Variants in GRAP2 observed in about 807,000 individuals in gnomAD.
GRAP2 encodes the protein GRB2-related adapter protein 2.
A neutral mutation model predicts 43.5 loss-of-function variants in GRAP2; 31 were observed. The observed-to-expected ratio is 0.71, with a 90% CI of 0.54 to 0.96. The LOEUF (loss-of-function observed/expected upper bound fraction) is 0.96, where lower values mean the gene tolerates loss of function less well. Among genes scored for constraint, GRAP2 ranks in the 40% least tolerant of loss-of-function variants. The pLI is 0.00. For synonymous variants in GRAP2, 156 were observed against 164.8 expected (o/e 0.95, Z 0.41); for missense variants, 371 against 424.4 (o/e 0.87, Z 1.11).
chr22:39,918,975 A>G (rs554012185), intron 1 of GRAP2, among the ~76,000 whole-genome samples: 3 of 152,292 alleles, frequency 2.0e-5, no homozygotes, highest in South Asian at 2.1e-4. Flanking sequence ...ATCAAATCAT[A>G]TGAAATTGAC....
chr22:39,970,838 C>T, intron 7 of GRAP2, 67 bp from the exon 8 acceptor site: 25 of 1,354,568 alleles, frequency 1.8e-5, no homozygotes, highest in Non-Finnish European at 2.5e-5. Flanking sequence ...TGGGAGGAGC[C>T]AGCAGACCCT....
At chr22:39,930,419 T>A (rs1723441391) in intron 1 of GRAP2, among the ~76,000 whole-genome samples, 2 of 152,230 alleles carry the variant, frequency 1.3e-5, no homozygotes, top group African/African-American at 4.8e-5. Context: ...ATCTGTCAGC[T>A]GGATACAATA....
intron 7 of GRAP2, among the ~76,000 whole-genome samples, chr22:39,969,852 T>C (rs2067219834): frequency 6.6e-6 from 1 of 152,114 alleles, no homozygotes. Flanking sequence ...AGGCAGAGGT[T>C]GCAGTGAGCC....
At chr22:39,900,926 T>G (rs2066488633), upstream of GRAP2, among the ~76,000 whole-genome samples, 1 of 152,198 alleles carries the variant, frequency 6.6e-6, no homozygotes, top group African/African-American at 2.4e-5. Flanking sequence ...GGGGATATTG[T>G]TAAAACTGAA....
At chr22:39,937,118 G>C (rs1382912949) in intron 1 of GRAP2, among the ~76,000 whole-genome samples, 1 of 152,176 alleles carries the variant, frequency 6.6e-6, no homozygotes, top group African/African-American at 2.4e-5. Context: ...AAATGCAAAG[G>C]ATGATAGTAA....
At chr22:39,898,286 A>C, upstream of GRAP2, among the ~76,000 whole-genome samples, 1 of 152,184 alleles carries the variant, frequency 6.6e-6, no homozygotes, top group Admixed American at 6.5e-5. Flanking sequence ...CCCTAACAGT[A>C]GGACCATCTG....
chr22:39,957,940 A>C (rs2067075450), intron 3 of GRAP2, among the ~76,000 whole-genome samples: 1 of 148,154 alleles, frequency 6.7e-6, no homozygotes, highest in Admixed American at 7.0e-5. Context: ...TGTTTCAAAG[A>C]AAAAAAAAAT....
chr22:39,909,734 G>C (rs1373902620), intron 1 of GRAP2, among the ~76,000 whole-genome samples: 1 of 152,078 alleles, frequency 6.6e-6, no homozygotes, highest in Non-Finnish European at 1.5e-5. Context: ...AAACTGATGA[G>C]GAGATTAAAA....
chr22:39,956,339 G>A (rs924735395), intron 3 of GRAP2, among the ~76,000 whole-genome samples: 1 of 151,740 alleles, frequency 6.6e-6, no homozygotes, highest in African/African-American at 2.4e-5. Context: ...TGTATTTTTA[G>A]TAGAGACAGG....
chr22:39,936,567 T>C (rs976514968), intron 1 of GRAP2, among the ~76,000 whole-genome samples: 3 of 152,076 alleles, frequency 2.0e-5, no homozygotes, highest in African/African-American at 7.2e-5. Context: ...TCATGGTAAG[T>C]TATTAATGTT....
At chr22:39,924,370 G>A (rs1601700474) in intron 1 of GRAP2, among the ~76,000 whole-genome samples, 2 of 152,238 alleles carry the variant, frequency 1.3e-5, no homozygotes, top group East Asian at 1.9e-4. Context: ...CACCACGGTC[G>A]TACTTTCCAT....
At chr22:39,926,540 G>T (rs1284144101) in intron 1 of GRAP2, 1 of 885,040 alleles carries the variant, frequency 1.1e-6, no homozygotes, top group Non-Finnish European at 1.4e-6. Flanking sequence ...AGAACCTTGA[G>T]CATAAGGAAG....
At chr22:39,933,235 C>T (rs1474085666) in intron 1 of GRAP2, among the ~76,000 whole-genome samples, 1 of 152,254 alleles carries the variant, frequency 6.6e-6, no homozygotes, top group African/African-American at 2.4e-5. Flanking sequence ...TCAGCCCTTA[C>T]TGCAACCTCA....
chr22:39,912,845 T>C (rs1237566861), intron 1 of GRAP2, among the ~76,000 whole-genome samples: 2 of 151,626 alleles, frequency 1.3e-5, no homozygotes, highest in Non-Finnish European at 2.9e-5. Flanking sequence ...AAAGGAGACA[T>C]CTAGGACCAA....
At chr22:39,932,052 C>T (rs2066760628) in intron 1 of GRAP2, among the ~76,000 whole-genome samples, 1 of 152,164 alleles carries the variant, frequency 6.6e-6, no homozygotes, top group African/African-American at 2.4e-5. Flanking sequence ...CTTCATACTG[C>T]TTATCCCAAA....
chr22:39,913,053 C>A (rs961822073), intron 1 of GRAP2, among the ~76,000 whole-genome samples: 26 of 151,930 alleles, frequency 1.7e-4, no homozygotes, highest in African/African-American at 5.8e-4. Flanking sequence ...ATTAGCTAGG[C>A]ATGGTGGCGG....
At chr22:39,920,625 T>G (rs2066641121) in intron 1 of GRAP2, among the ~76,000 whole-genome samples, 1 of 152,198 alleles carries the variant, frequency 6.6e-6, no homozygotes, top group Non-Finnish European at 1.5e-5. Context: ...CTGTGCTGAC[T>G]GTGACCCCAC....
In GRAP2 at chr22:39,973,139, A is replaced by G. The variant is rs1268744037; in HGVS notation, c.*2055A>G. On this transcript the variant is annotated 3_prime_UTR_variant, in exon 8 of 8. Coordinates refer to ENST00000344138, the MANE Select transcript of GRAP2 (RefSeq NM_004810.4). ...TAGGTAATGTGAAATGCTGCAGTAA[A>G]TAAAAGCCATAAGTAATGTTTGATT... 6.6e-6 allele frequency: 1 copy of G among 152,382 alleles called. No individual in the cohort carries two copies. Among genetic ancestry groups the G allele is most frequent in the Non-Finnish European group, 1.5e-5 (1 of 68,060 alleles). 9.4% of individuals were successfully genotyped at this position (152,382 alleles called of 1,614,324 possible). A position where few individuals can be genotyped will look rare whatever the true frequency, so the allele number is the denominator to read the frequency against.
At chr22:39,920,762 T>G (rs975861840) in intron 1 of GRAP2, among the ~76,000 whole-genome samples, 1 of 151,966 alleles carries the variant, frequency 6.6e-6, no homozygotes, top group Non-Finnish European at 1.5e-5. Context: ...TATCTAAATA[T>G]GGCTCGATTC....
Sources: allele counts gnomAD v4.1 joint callset (sites outside exome capture counted in the v4.1 genomes callset), GRCh38; gene constraint gnomAD v4.1.1; transcripts MANE v1.5; gene names NCBI Gene and HGNC (gene_info 2026-07-23, HGNC 2026-07-21).